SEPSECS: variants seen among roughly 807,000 people sequenced by gnomAD.
SEPSECS encodes the protein Sep (O-phosphoserine) tRNA:Sec (selenocysteine) tRNA synthase, also known as O-phosphoseryl-tRNA(Sec) selenium transferase.
A neutral mutation model predicts 52.1 loss-of-function variants in SEPSECS; 42 were observed. That is an observed-to-expected ratio of 0.81 (90% CI 0.63 to 1.04). SEPSECS has a LOEUF of 1.04. SEPSECS is among the 50% of genes least tolerant of loss of function. SEPSECS has a pLI of 0.00. For synonymous variants in SEPSECS, 216 were observed against 211.4 expected (o/e 1.02, Z -0.19); for missense variants, 590 against 610.6 (o/e 0.97, Z 0.36).
intron 8 of SEPSECS, among the ~76,000 whole-genome samples, chr4:25,141,601 C>G (rs1179491283): frequency 2.0e-5 from 3 of 152,168 alleles, no homozygotes; most frequent in Non-Finnish European, 4.4e-5. Context: ...CACTTCTTAA[C>G]CACTATAGAA....
At chr4:25,144,623 C>A in intron 8 of SEPSECS, 151 bp downstream of exon 8, 1 of 604,594 alleles carries the variant, frequency 1.7e-6, no homozygotes, top group East Asian at 2.7e-5. Context: ...AATAGGAAAC[C>A]ACCTATGGTG....
chr4:25,146,901 T>TC (rs1711995868), intron 6 of SEPSECS, among the ~76,000 whole-genome samples: 1 of 152,172 alleles, frequency 6.6e-6, no homozygotes, highest in Admixed American at 6.5e-5. Flanking sequence ...CACTCTTGCC[T>TC]CCCTACAGTC....
At chr4:25,149,090 G>A (rs1297445995) in intron 6 of SEPSECS, among the ~76,000 whole-genome samples, 3 of 151,616 alleles carry the variant, frequency 2.0e-5, no homozygotes, top group Non-Finnish European at 2.9e-5. Context: ...GCGGAGTCTC[G>A]CTCTGTCACC....
intron 5 of SEPSECS, among the ~76,000 whole-genome samples, chr4:25,152,400 G>C (rs1243986050): frequency 6.6e-6 from 1 of 151,934 alleles, no homozygotes; most frequent in Admixed American, 6.5e-5. Flanking sequence ...TCACAAGATG[G>C]TATGCTCTTT....
chr4:25,142,887 G>A (rs997805259), intron 8 of SEPSECS, among the ~76,000 whole-genome samples: 7 of 152,260 alleles, frequency 4.6e-5, no homozygotes, highest in Non-Finnish European at 8.8e-5. Flanking sequence ...AGTCTTTTAA[G>A]ACTAAAAGTG....
chr4:25,156,281 A>C lies in SEPSECS; in HGVS notation c.389-86T>G, dbSNP rs1003006629. 3 of 1,252,910 alleles carry C rather than the reference A, an allele frequency of 2.4e-6. No individual in the cohort carries two copies. The African/African-American group carries it at 4.5e-5, about 19-fold the overall frequency. The allele number at this position is 1,252,910 out of a possible 1,614,324, so 77.6% of individuals were successfully genotyped here. ...AGGAAATAATATATTTCATATATAA[A>C]ATAGTAAGAGTCGTAGCCCTAGGGC... On this transcript the variant is annotated intron_variant, in intron 3 of 10. Coordinates refer to ENST00000382103, the MANE Select transcript of SEPSECS (RefSeq NM_016955.4).
chr4:25,124,972 A>C (rs1247125960), intron 10 of SEPSECS, among the ~76,000 whole-genome samples: 1 of 152,156 alleles, frequency 6.6e-6, no homozygotes, highest in Non-Finnish European at 1.5e-5. Flanking sequence ...ACTAAAAGCA[A>C]TGTCAAGAAA....
At chr4:25,157,759 A>G (rs1712771960) in intron 2 of SEPSECS, among the ~76,000 whole-genome samples, 1 of 151,960 alleles carries the variant, frequency 6.6e-6, no homozygotes, top group Admixed American at 6.6e-5. Flanking sequence ...GTTAGCCAGG[A>G]TGGTGTGGAT....
rs1247162351 is a variant in SEPSECS at position 25,122,803 on chromosome 4, C to T, written c.*1128G>A. 6.6e-6 allele frequency: 1 copy of T among 152,026 alleles called. No homozygotes were observed. Among genetic ancestry groups the T allele is most frequent in the East Asian group, 1.9e-4 (1 of 5,192 alleles). The allele number at this position is 152,026 out of a possible 1,614,324, so 9.4% of individuals were successfully genotyped here. A position where few individuals can be genotyped will look rare whatever the true frequency, so the allele number is the denominator to read the frequency against. ...TAACAACAAAAATTATTGTTAAAGC[C>T]AGTAAGTCTGGAATTTCAGACTCAG... is the stretch of plus-strand genomic sequence containing the variant. On this transcript the variant is annotated 3_prime_UTR_variant, in exon 11 of 11. Coordinates refer to ENST00000382103, the MANE Select transcript of SEPSECS (RefSeq NM_016955.4).
In SEPSECS at chr4:25,139,384, C is replaced by CTTT. The variant is rs5856888; in HGVS notation, c.1026+5387_1026+5389dup. On this transcript the variant is annotated intron_variant, in intron 8 of 10. Transcript: ENST00000382103. ...CAAAACAACTTGAAGAAAGTTGTGT[C>CTTT]TTTTTTTTTTTTTTTTTTTTTGAGA... is the stretch of plus-strand genomic sequence containing the variant. Among the ~76,000 whole-genome samples the CTTT allele has an allele frequency of 5.4e-3, 589 of 108,664 alleles. 5 individuals carry two copies. Among genetic ancestry groups the CTTT allele is most frequent in the Non-Finnish European group, 6.3e-3 (361 of 57,672 alleles). 71.3% of individuals were successfully genotyped at this position (108,664 alleles called of 152,430 possible).
intron 8 of SEPSECS, among the ~76,000 whole-genome samples, chr4:25,134,263 G>A (rs1728736950): frequency 6.6e-6 from 1 of 151,266 alleles, no homozygotes; most frequent in African/African-American, 2.4e-5. Context: ...AGGACTGCTT[G>A]AGCTCAGGAG....
At chr4:25,156,707 CAAAAAAAAAAAAAAAAAAAA>C in intron 3 of SEPSECS, 129 bp downstream of exon 3, 1 of 227,316 alleles carries the variant, frequency 4.4e-6, no homozygotes, top group Non-Finnish European at 7.9e-6. Flanking sequence ...GACTCCGTCT[CAAAAAAAAAAAAAAAAAAAA>C]AAAAAAAAGA....
rs184870616 is a variant in SEPSECS at position 25,148,804 on chromosome 4, T to G, written c.804+3156A>C. Among the ~76,000 whole-genome samples the G allele has an allele frequency of 1.5e-4, 23 of 152,358 alleles. No individual in the cohort carries two copies. The East Asian group carries it at 4.2e-3, about 28-fold the overall frequency. ...ACTTAATCATCCCACAATCTGTACA[T>G]GTATCAAAATATCATTTGCACTCCA... is the stretch of plus-strand genomic sequence containing the variant. On this transcript the variant is annotated intron_variant, in intron 6 of 10. Transcript: ENST00000382103.
In SEPSECS at chr4:25,156,192, A is replaced by T. The variant is rs142338876; in HGVS notation, c.392T>A (p.Val131Asp). Residue 131 changes from valine (V) to aspartate (D), a missense_variant, in exon 4 of 11, where the codon GTC becomes GAC. Transcript: ENST00000382103. ...TACAAAGCAGTTGGCTACTGTATGG[A>T]CACCTACAAATAAGAAGCAAAACAG... Reference protein sequence around the residue: ...LVLDIIKLAGVHTVANCFVVP... With the variant: ...LVLDIIKLAGDHTVANCFVVP... 6.2e-7 allele frequency: 1 copy of T among 1,613,840 alleles called. No individual in the cohort carries two copies. Among genetic ancestry groups the T allele is most frequent in the Non-Finnish European group, 8.5e-7 (1 of 1,179,794 alleles).
chr4:25,150,698 A>G (rs190543333), intron 6 of SEPSECS, among the ~76,000 whole-genome samples: 1 of 152,320 alleles, frequency 6.6e-6, no homozygotes, highest in Admixed American at 6.5e-5. Flanking sequence ...AAAAAAGCAA[A>G]AAGAAGGATA....
chr4:25,127,118 AC>A, intron 9 of SEPSECS, 145 bp downstream of exon 9: 1 of 628,872 alleles, frequency 1.6e-6, no homozygotes, highest in Admixed American at 2.9e-5. Flanking sequence ...GCCTAACTAA[AC>A]TTTTTCAATT....
At chr4:25,125,427 T>C in intron 10 of SEPSECS, 1 of 398,986 alleles carries the variant, frequency 2.5e-6, no homozygotes, top group South Asian at 4.3e-5. Context: ...GAAAAAAATC[T>C]ATGTAGAGAG....
chr4:25,157,139 T>C lies in SEPSECS; in HGVS notation c.270-165A>G, dbSNP rs561832024. ...ATGATGTGGAACTCTCCTACTTAAA[T>C]TGAAATAATTTCATCAATTATGCTG... On this transcript the variant is annotated intron_variant, in intron 2 of 10. Transcript: ENST00000382103. Among the ~76,000 whole-genome samples, 19 of 152,348 alleles carry C rather than the reference T, an allele frequency of 1.2e-4. No individual in the cohort carries two copies. In the South Asian group the frequency reaches 1.7e-3, roughly 13 times the overall value.
intron 6 of SEPSECS, among the ~76,000 whole-genome samples, chr4:25,151,378 G>C (rs1712291569): frequency 6.6e-6 from 1 of 152,134 alleles, no homozygotes; most frequent in Admixed American, 6.6e-5. Flanking sequence ...GAAAGCAGTA[G>C]AAAATGAAAT....
Sources: gnomAD v4.1 joint callset for allele counts (sites outside exome capture counted in the v4.1 genomes callset) on GRCh38, gnomAD v4.1.1 for gene constraint, MANE v1.5 for transcripts, NCBI Gene and HGNC (gene_info 2026-07-23, HGNC 2026-07-21) for gene names.